Variants in SPIDR observed in about 807,000 individuals in gnomAD.
SPIDR encodes DNA repair-scaffolding protein.
In SPIDR, 93 loss-of-function variants were observed where a neutral mutation model predicts 104.6. That is an observed-to-expected ratio of 0.89 (90% confidence interval 0.75 to 1.06). SPIDR has a LOEUF of 1.06. Among genes scored for constraint, SPIDR ranks in the 50% least tolerant of loss-of-function variants. The pLI is 0.00. For synonymous variants in SPIDR, 431 were observed against 416.9 expected, an observed-to-expected ratio of 1.03 and a Z score of -0.41; for missense variants, 1,154 against 1,111.2, an observed-to-expected ratio of 1.04 and a Z score of -0.55.
intron 8 of SPIDR, among the ~76,000 whole-genome samples, chr8:47,583,794 C>G (rs574556232): frequency 1.3e-5 from 2 of 152,344 alleles, no homozygotes; most frequent in African/African-American, 4.8e-5. Context: ...CCCATGTGCT[C>G]CCTTCCTCTC....
chr8:47,699,425 T>A (rs1563583238), intron 11 of SPIDR, among the ~76,000 whole-genome samples: 1 of 152,174 alleles, frequency 6.6e-6, no homozygotes, highest in Non-Finnish European at 1.5e-5. Flanking sequence ...CTGTTCCCCA[T>A]CTCTGTTAAC....
chr8:47,597,944 G>A (rs2061809937), intron 9 of SPIDR, among the ~76,000 whole-genome samples: 1 of 152,160 alleles, frequency 6.6e-6, no homozygotes, highest in Non-Finnish European at 1.5e-5. Flanking sequence ...ACAGATCAAG[G>A]GAGGAAGAAT....
intron 14 of SPIDR, among the ~76,000 whole-genome samples, chr8:47,709,610 A>G (rs1479759537): frequency 6.6e-5 from 10 of 152,204 alleles, no homozygotes; most frequent in Non-Finnish European, 1.2e-4. Flanking sequence ...ACTTTTAGCA[A>G]TGTAGTGGTA....
chr8:47,298,788 G>A (rs1333346898), intron 5 of SPIDR, among the ~76,000 whole-genome samples: 1 of 152,044 alleles, frequency 6.6e-6, no homozygotes, highest in Non-Finnish European at 1.5e-5. Flanking sequence ...ATTTCTGAGG[G>A]CTCTGTTCTG....
At position 47,422,419 on chromosome 8, in the gene SPIDR, TAC is replaced by T. The variant is rs546939697; in HGVS notation, c.877+14460_877+14461del. ...AGGACCCTCCGAGCCACGTGCGGGA[TAC>T]AATCTCCTGGTGTGCCATTTGCTAA... On this transcript the variant is annotated intron_variant, in intron 7 of 19. Transcript: ENST00000297423. 1.5e-3 allele frequency among the ~76,000 whole-genome samples: 232 copies of T among 152,332 alleles called. 3 individuals carry two copies. The South Asian group carries it at 0.016, about 11-fold the overall frequency.
In SPIDR at chr8:47,260,997, C is replaced by A; in HGVS notation, c.33+6C>A. On this transcript the variant is annotated splice_donor_region_variant and intron_variant, in intron 1 of 19. Coordinates refer to ENST00000297423, the MANE Select transcript of SPIDR (RefSeq NM_001080394.4). ...GCCGCGCTCGGGGCTCTAAGGTAGG[C>A]TCTGGGGCGGGAGTGGGCGCCGCGC... 1 of 1,228,550 alleles carries A rather than the reference C, an allele frequency of 8.1e-7. No individual in the cohort carries two copies. 76.1% of individuals were successfully genotyped at this position (1,228,550 alleles called of 1,614,324 possible). A position where few individuals can be genotyped will look rare whatever the true frequency, so the allele number is the denominator to read the frequency against.
chr8:47,584,198 A>G (rs151268179), intron 8 of SPIDR, among the ~76,000 whole-genome samples: 420 of 152,338 alleles, frequency 2.8e-3, no homozygotes, highest in African/African-American at 9.9e-3. Context: ...GCTGAATCAT[A>G]CTTTAAACTC....
intron 7 of SPIDR, among the ~76,000 whole-genome samples, chr8:47,433,840 C>A (rs2067790600): frequency 6.6e-6 from 1 of 152,018 alleles, no homozygotes; most frequent in African/African-American, 2.4e-5. Flanking sequence ...TTAACCTTGA[C>A]AATGAAAGTG....
Position 47,264,343 on chromosome 8 carries a change from C to T in SPIDR, c.33+3352C>T, listed in dbSNP as rs574186471. Reference sequence around the variant, plus strand: ...TATGAGAAGTGAGAAAGTTGTTTGCCTCTTAACTGATGTTAGGATATATAG... The same window carrying T: ...TATGAGAAGTGAGAAAGTTGTTTGCTTCTTAACTGATGTTAGGATATATAG... On this transcript the variant is annotated intron_variant, in intron 1 of 19. Coordinates refer to ENST00000297423, the MANE Select transcript of SPIDR (RefSeq NM_001080394.4). Among the ~76,000 whole-genome samples, 3 of 152,128 alleles carry T rather than the reference C, an allele frequency of 2.0e-5. No individual in the cohort carries two copies. In the South Asian group the frequency reaches 6.2e-4, roughly 32 times the overall value.
At chr8:47,409,842 A>G (rs1341745899) in intron 7 of SPIDR, among the ~76,000 whole-genome samples, 1 of 152,210 alleles carries the variant, frequency 6.6e-6, no homozygotes, top group African/African-American at 2.4e-5. Flanking sequence ...CAGCCTGAGC[A>G]ATGTAGTGAA....
intron 17 of SPIDR, among the ~76,000 whole-genome samples, chr8:47,728,556 A>C (rs908268422): frequency 6.6e-6 from 1 of 152,216 alleles, no homozygotes; most frequent in African/African-American, 2.4e-5. Context: ...AGATGAGCAC[A>C]TGTGCAGGCA....
At chr8:47,517,497 G>T (rs962772133) in intron 8 of SPIDR, among the ~76,000 whole-genome samples, 7 of 152,076 alleles carry the variant, frequency 4.6e-5, no homozygotes, top group Non-Finnish European at 4.4e-5. Context: ...ATCCCTGAGG[G>T]CTCAGAAAAG....
intron 7 of SPIDR, among the ~76,000 whole-genome samples, chr8:47,432,913 A>G (rs998250238): frequency 2.0e-5 from 3 of 152,292 alleles, no homozygotes; most frequent in Non-Finnish European, 2.9e-5. Flanking sequence ...TGGAAGAATC[A>G]GGTACTAGAC....
chr8:47,365,459 G>A (rs2057011016), intron 5 of SPIDR, among the ~76,000 whole-genome samples: 1 of 152,160 alleles, frequency 6.6e-6, no homozygotes, highest in South Asian at 2.1e-4. Flanking sequence ...GAGCAACATG[G>A]GAAGGTTTCT....
chr8:47,433,991 A>T (rs982668300), intron 7 of SPIDR, among the ~76,000 whole-genome samples: 15 of 152,364 alleles, frequency 9.8e-5, no homozygotes, highest in Non-Finnish European at 1.9e-4. Flanking sequence ...TTCGTTAAAG[A>T]TACTAAACTT....
chr8:47,493,264 G>T (rs919770694), intron 8 of SPIDR, among the ~76,000 whole-genome samples: 11 of 152,114 alleles, frequency 7.2e-5, no homozygotes, highest in African/African-American at 1.9e-4. Context: ...GAATGACATT[G>T]TGGAAAAACT....
intron 10 of SPIDR, among the ~76,000 whole-genome samples, chr8:47,627,654 T>G (rs2066400754): frequency 6.6e-6 from 1 of 152,172 alleles, no homozygotes; most frequent in African/African-American, 2.4e-5. Flanking sequence ...GAAATTTGGC[T>G]TTGTGCACTG....
chr8:47,441,343 A>G (rs931237603), intron 8 of SPIDR, among the ~76,000 whole-genome samples: 5 of 151,850 alleles, frequency 3.3e-5, no homozygotes, highest in Admixed American at 3.3e-4. Flanking sequence ...TGGAAATATG[A>G]TGTTTATCAT....
intron 8 of SPIDR, among the ~76,000 whole-genome samples, chr8:47,577,710 A>C (rs1285438191): frequency 6.6e-6 from 1 of 152,180 alleles, no homozygotes; most frequent in Non-Finnish European, 1.5e-5. Context: ...GTAGAGGTAA[A>C]TGGTCTTGTG....
Sources: allele counts gnomAD v4.1 joint callset (sites outside exome capture counted in the v4.1 genomes callset), GRCh38; gene constraint gnomAD v4.1.1; transcripts MANE v1.5; gene names NCBI Gene and HGNC (gene_info 2026-07-23, HGNC 2026-07-21).